CABLES1: variants seen among roughly 807,000 people sequenced by gnomAD.
The protein encoded by CABLES1 is Cdk5 and Abl enzyme substrate 1.
Under a neutral mutation model 57.8 loss-of-function variants are expected in CABLES1, and 36 were observed. The observed-to-expected ratio is 0.62, with a 90% CI of 0.48 to 0.82. CABLES1 has a LOEUF of 0.82. Ranked by LOEUF, CABLES1 falls within the 40% of genes least tolerant of loss-of-function variation. The pLI is 0.00. For missense variants in CABLES1, 767 were observed against 836.6 expected (o/e 0.92, Z 1.03); for synonymous variants, 374 against 363.0 (o/e 1.03, Z -0.35).
chr18:23,193,057 A>G (rs1429672405), intron 2 of CABLES1, among the ~76,000 whole-genome samples: 2 of 152,246 alleles, frequency 1.3e-5, no homozygotes, highest in Non-Finnish European at 2.9e-5. Flanking sequence ...TAAAAAATTA[A>G]AAAATCTGGG....
rs1568072659 is a variant in CABLES1 at position 23,218,636 on chromosome 18, C to CCTCCCGCATCCTCACTTGCCCTGG, written c.1088+4606_1088+4629dup. Among the ~76,000 whole-genome samples, 566 of 109,414 alleles carry CCTCCCGCATCCTCACTTGCCCTGG rather than the reference C, an allele frequency of 5.2e-3. 12 individuals are homozygous for CCTCCCGCATCCTCACTTGCCCTGG. Among genetic ancestry groups the CCTCCCGCATCCTCACTTGCCCTGG allele is most frequent in the Non-Finnish European group, 7.3e-3 (383 of 52,808 alleles). The allele number at this position is 109,414 out of a possible 152,430, so 71.8% of individuals were successfully genotyped here. On this transcript the variant is annotated intron_variant, in intron 4 of 9. Coordinates refer to ENST00000256925, the MANE Select transcript of CABLES1 (RefSeq NM_001100619.3). ...GGCTCCCGCATCCTCACTTGCCCTG[C>CCTCCCGCATCCTCACTTGCCCTGG]CTCCCGCATCCTCACTTGCCCTGGC...
intron 7 of CABLES1, among the ~76,000 whole-genome samples, chr18:23,239,364 A>G (rs2047679956): frequency 6.6e-6 from 1 of 152,158 alleles, no homozygotes; most frequent in Non-Finnish European, 1.5e-5. Context: ...GCTCCTGGAG[A>G]CCTATGTTTC....
At chr18:23,250,347 G>A (rs1568092860) in intron 7 of CABLES1, among the ~76,000 whole-genome samples, 1 of 152,134 alleles carries the variant, frequency 6.6e-6, no homozygotes, top group Admixed American at 6.5e-5. Context: ...GGATTGGGGG[G>A]TGAGGGGTTG....
chr18:23,254,746 G>A (rs1001968120), intron 9 of CABLES1, among the ~76,000 whole-genome samples: 9 of 152,170 alleles, frequency 5.9e-5, no homozygotes, highest in Non-Finnish European at 7.3e-5. Context: ...AAGCACTCTG[G>A]TTTCTTCTTC....
chr18:23,174,633 G>C (rs544152034), intron 1 of CABLES1, among the ~76,000 whole-genome samples: 1 of 151,172 alleles, frequency 6.6e-6, no homozygotes, highest in Non-Finnish European at 1.5e-5. Flanking sequence ...CACCACACCC[G>C]GCTAATTTTT....
rs540759219 is a variant in CABLES1 at position 23,162,165 on chromosome 18, CA to C, written c.845+25568del. ...GGGCGACAAGCACAAAACCCTGTCT[CA>C]AAAAAAAAACAACAAAGAGAATCAT... On this transcript the variant is annotated intron_variant, in intron 1 of 9. Transcript: ENST00000256925. Among the ~76,000 whole-genome samples, 10 of 84,262 alleles carry C rather than the reference CA, an allele frequency of 1.2e-4. No individual in the cohort carries two copies. The East Asian group carries it at 1.9e-3, about 16-fold the overall frequency. 55.3% of individuals were successfully genotyped at this position (84,262 alleles called of 152,430 possible).
intron 4 of CABLES1, among the ~76,000 whole-genome samples, chr18:23,232,175 C>T (rs2047571362): frequency 1.3e-5 from 2 of 152,222 alleles, no homozygotes; most frequent in African/African-American, 4.8e-5. Flanking sequence ...TGGAATTCTC[C>T]TTATTTCCCT....
At chr18:23,153,858 C>T (rs760669314) in intron 1 of CABLES1, among the ~76,000 whole-genome samples, 33 of 152,226 alleles carry the variant, frequency 2.2e-4, no homozygotes, top group Non-Finnish European at 4.0e-4. Flanking sequence ...TGGCAAAACC[C>T]CATCTCTACT....
chr18:23,246,558 A>ATTT (rs1266185267), intron 7 of CABLES1, among the ~76,000 whole-genome samples: 1 of 151,688 alleles, frequency 6.6e-6, no homozygotes, highest in South Asian at 2.1e-4. Context: ...CACCCGGCTA[A>ATTT]TTTTTTGTGT....
intron 3 of CABLES1, among the ~76,000 whole-genome samples, chr18:23,202,998 AAAG>A (rs890545189): frequency 1.3e-5 from 2 of 151,936 alleles, no homozygotes; most frequent in Non-Finnish European, 2.9e-5. Context: ...AAAAAAAAAA[AAAG>A]ACTGGAGACA....
intron 1 of CABLES1, among the ~76,000 whole-genome samples, chr18:23,175,732 G>A (rs188503904): frequency 1.3e-5 from 2 of 152,208 alleles, no homozygotes; most frequent in Non-Finnish European, 2.9e-5. Flanking sequence ...ATAGGCATGA[G>A]CCACTGCTAC....
intron 4 of CABLES1, among the ~76,000 whole-genome samples, chr18:23,220,128 C>T (rs1313917625): frequency 6.6e-6 from 1 of 152,042 alleles, no homozygotes; most frequent in East Asian, 1.9e-4. Flanking sequence ...GCAGACTGCC[C>T]GAGTATCTAA....
chr18:23,242,533 G>A (rs182420505), intron 7 of CABLES1, among the ~76,000 whole-genome samples: 1 of 152,262 alleles, frequency 6.6e-6, no homozygotes, highest in African/African-American at 2.4e-5. Flanking sequence ...GTCGGTAGTG[G>A]GTTTTTGTGT....
Position 23,173,562 on chromosome 18 carries a change from C to G in CABLES1, c.846-15276C>G, listed in dbSNP as rs115959401. Among the ~76,000 whole-genome samples the G allele has an allele frequency of 7.1e-3, 1,079 of 152,286 alleles. 13 individuals are homozygous for G. Among genetic ancestry groups the G allele is most frequent in the African/African-American group, 0.025 (1,035 of 41,564 alleles). On this transcript the variant is annotated intron_variant, in intron 1 of 9. Coordinates refer to ENST00000256925, the MANE Select transcript of CABLES1 (RefSeq NM_001100619.3). ...TTTGGGATTTGGTGCTTCATTATTA[C>G]TGTATATTTTTTCCCAACATATGTT...
intron 1 of CABLES1, among the ~76,000 whole-genome samples, chr18:23,184,349 G>A (rs60594930): frequency 5.3e-5 from 8 of 151,436 alleles, no homozygotes; most frequent in South Asian, 2.1e-4. Flanking sequence ...GTGTAGGTCC[G>A]TCTGAGTTCA....
intron 9 of CABLES1, 22 bp from the exon 10 acceptor site, chr18:23,257,205 T>C: frequency 6.2e-7 from 1 of 1,605,320 alleles, no homozygotes; most frequent in East Asian, 2.2e-5. Context: ...TGAACATGCT[T>C]TTGATTTTCT....
chr18:23,231,685 G>A (rs2047568078), intron 4 of CABLES1, among the ~76,000 whole-genome samples: 1 of 151,960 alleles, frequency 6.6e-6, no homozygotes, highest in Non-Finnish European at 1.5e-5. Flanking sequence ...TGGAATCCCT[G>A]TTTCTAAGAA....
At chr18:23,144,214 T>A (rs1440793409) in intron 1 of CABLES1, among the ~76,000 whole-genome samples, 1 of 152,224 alleles carries the variant, frequency 6.6e-6, no homozygotes, top group Non-Finnish European at 1.5e-5. Flanking sequence ...GGGCCCCTCC[T>A]CCGTGGTCTG....
intron 1 of CABLES1, among the ~76,000 whole-genome samples, chr18:23,161,754 C>CAAAA (rs1184010487): frequency 0.025 from 816 of 33,140 alleles, 78 homozygotes; most frequent in African/African-American, 0.047. Flanking sequence ...ACTAAAAATC[C>CAAAA]AAAAAAAAAA....
Sources: allele counts gnomAD v4.1 joint callset (sites outside exome capture counted in the v4.1 genomes callset), GRCh38; gene constraint gnomAD v4.1.1; transcripts MANE v1.5; gene names NCBI Gene and HGNC (gene_info 2026-07-23, HGNC 2026-07-21).